MEI4: variants seen among roughly 807,000 people sequenced by gnomAD.
MEI4 encodes the protein meiosis-specific protein MEI4.
Under a neutral mutation model 31.4 loss-of-function variants are expected in MEI4, and 27 were observed. The ratio of observed to expected loss-of-function variants is 0.86; its 90% CI spans 0.63 to 1.19. The LOEUF (loss-of-function observed/expected upper bound fraction) is 1.19. Ranked by LOEUF, MEI4 falls within the 50% of genes most tolerant of loss-of-function variation. The pLI is 0.00. For missense variants in MEI4, 329 were observed against 398.9 expected (o/e 0.82, Z 1.49); for synonymous variants, 122 against 145.4 (o/e 0.84, Z 1.16).
intron 3 of MEI4, among the ~76,000 whole-genome samples, chr6:77,814,076 G>A (rs1769635056): frequency 6.6e-6 from 1 of 152,034 alleles, no homozygotes; most frequent in African/African-American, 2.4e-5. Context: ...AAAGTTAGAT[G>A]TACTTAGCTC....
At chr6:77,726,908 T>A (rs919470988) in intron 2 of MEI4, among the ~76,000 whole-genome samples, 1 of 151,702 alleles carries the variant, frequency 6.6e-6, no homozygotes, top group African/African-American at 2.4e-5. Flanking sequence ...ATTTTGAAAT[T>A]GGTGCTTTAA....
chr6:77,889,211 A>C (rs1371992790), intron 4 of MEI4, among the ~76,000 whole-genome samples: 1 of 152,198 alleles, frequency 6.6e-6, no homozygotes, highest in Non-Finnish European at 1.5e-5. Flanking sequence ...ACTGGGTAAT[A>C]GGCAGAGGTT....
Position 77,907,993 on chromosome 6 carries a change from G to T in MEI4, c.901-15096G>T, listed in dbSNP as rs559784571. Among the ~76,000 whole-genome samples, 289 of 144,326 alleles carry T rather than the reference G, an allele frequency of 2.0e-3. 1 individual carries two copies. The highest frequency in any genetic ancestry group is 3.6e-3 in the Middle Eastern group (1 of 280). The allele number at this position is 144,326 out of a possible 152,430, so 94.7% of individuals were successfully genotyped here. A position where few individuals can be genotyped will look rare whatever the true frequency, so the allele number is the denominator to read the frequency against. On this transcript the variant is annotated intron_variant, in intron 4 of 4. Coordinates refer to ENST00000684080, the MANE Select transcript of MEI4 (RefSeq NM_001322247.2). ...TATCCTTCACGCACTTGTTGATGGG[G>T]TTTTTTTTTTTTTCTTGTAAATTTG...
At position 77,800,103 on chromosome 6, in the gene MEI4, G is replaced by A. The variant is rs1020312187; in HGVS notation, c.769-28828G>A. On this transcript the variant is annotated intron_variant, in intron 3 of 4. Transcript: ENST00000684080. Reference sequence around the variant, plus strand: ...CCTTGGGCAGTATGGCCATTTTCACGATATTGATTCTTCCTACCCATGAGC... The same window carrying A: ...CCTTGGGCAGTATGGCCATTTTCACAATATTGATTCTTCCTACCCATGAGC... Among the ~76,000 whole-genome samples the A allele has an allele frequency of 2.0e-4, 31 of 152,006 alleles. 1 individual carries two copies. Among genetic ancestry groups the A allele is most frequent in the African/African-American group, 4.8e-4 (20 of 41,372 alleles).
intron 4 of MEI4, among the ~76,000 whole-genome samples, chr6:77,896,212 T>A (rs1184125522): frequency 1.3e-5 from 2 of 152,098 alleles, no homozygotes; most frequent in Non-Finnish European, 2.9e-5. Flanking sequence ...ATGCTCTTTG[T>A]GAAAAGATCA....
chr6:77,841,333 A>ATTTTTTTTTTTTTTT (rs1239589008), intron 4 of MEI4, among the ~76,000 whole-genome samples: 1 of 27,734 alleles, frequency 3.6e-5, no homozygotes, highest in African/African-American at 3.3e-4. Flanking sequence ...ATATATATAT[A>ATTTTTTTTTTTTTTT]TTTTTTTTTT....
At position 77,690,714 on chromosome 6, in the gene MEI4, C is replaced by G; in HGVS notation, c.43C>G (p.Leu15Val). 8.1e-7 allele frequency: 1 copy of G among 1,231,446 alleles called. No homozygotes were observed. The highest frequency in any genetic ancestry group is 1.0e-6 in the Non-Finnish European group (1 of 987,394). 76.3% of individuals were successfully genotyped at this position (1,231,446 alleles called of 1,614,324 possible). ...GTATTTGAGAACTTCAAAGCTGGCT[C>G]TGGCCTTGGCAATTATCCGCTCAAA... ...KWYLRTSKLA[L>V]ALAIIRSKPA... is the part of the protein sequence containing the mutation. The change falls in exon 2 of 5, where the codon CTG becomes GTG. Residue 15 changes from leucine to valine, a missense_variant. By Grantham distance (32) the Leu-to-Val change is conservative (BLOSUM62 1). Transcript: ENST00000684080.
At position 77,923,171 on chromosome 6, in the gene MEI4, C is replaced by A. The variant is rs1581986584; in HGVS notation, c.983C>A (p.Thr328Asn). The A allele has an allele frequency of 4.1e-6, 5 of 1,230,530 alleles. No individual in the cohort carries two copies. In the East Asian group the frequency reaches 9.5e-5, roughly 23 times the overall value. 76.2% of individuals were successfully genotyped at this position (1,230,530 alleles called of 1,614,324 possible). A position where few individuals can be genotyped will look rare whatever the true frequency, so the allele number is the denominator to read the frequency against. The change falls in exon 5 of 5, where the codon ACC becomes AAC. Residue 328 changes from threonine to asparagine, a missense_variant. Coordinates refer to ENST00000684080, the MANE Select transcript of MEI4 (RefSeq NM_001322247.2). ...CTGGAGCAGCTTCTTCAAAAGGAAA[C>A]CGAAGAAGGCAACACTTCAAGTATA... ...WVLEQLLQKE[T>N]EEGNTSSIGH...
At chr6:77,902,670 C>T (rs1435440464) in intron 4 of MEI4, among the ~76,000 whole-genome samples, 1 of 152,076 alleles carries the variant, frequency 6.6e-6, no homozygotes, top group Non-Finnish European at 1.5e-5. Context: ...AAAGTCACCC[C>T]TCTGCTCACT....
At position 77,789,370 on chromosome 6, in the gene MEI4, A is replaced by G. The variant is rs558487316; in HGVS notation, c.768+27705A>G. On this transcript the variant is annotated intron_variant, in intron 3 of 4. Transcript: ENST00000684080. ...GCAAGGACTTCATGTCTATAACACCAAAAGCAATGACAACAAAAGCCAAAA... is the reference window on the plus strand; with the variant it reads ...GCAAGGACTTCATGTCTATAACACCGAAAGCAATGACAACAAAAGCCAAAA... Among the ~76,000 whole-genome samples the G allele has an allele frequency of 9.2e-5, 14 of 152,332 alleles. No homozygotes were observed. In the South Asian group the frequency reaches 2.9e-3, roughly 32 times the overall value.
At chr6:77,809,745 G>T (rs1769529041) in intron 3 of MEI4, among the ~76,000 whole-genome samples, 1 of 151,976 alleles carries the variant, frequency 6.6e-6, no homozygotes, top group Admixed American at 6.6e-5. Context: ...TTAATATTAG[G>T]GAGGGTTTAA....
At chr6:77,826,045 G>T (rs555459287) in intron 3 of MEI4, among the ~76,000 whole-genome samples, 2 of 152,210 alleles carry the variant, frequency 1.3e-5, no homozygotes, top group African/African-American at 4.8e-5. Context: ...TATAAGAGGA[G>T]GTCTACCAGT....
intron 4 of MEI4, among the ~76,000 whole-genome samples, chr6:77,854,788 T>C (rs963364410): frequency 5.3e-5 from 8 of 152,080 alleles, no homozygotes; most frequent in African/African-American, 1.9e-4. Context: ...ACACTTGACT[T>C]ATATTATCTC....
chr6:77,761,190 C>G lies in MEI4; in HGVS notation c.293C>G (p.Ser98Trp), dbSNP rs148492050. 7 of 1,232,022 alleles carry G rather than the reference C, an allele frequency of 5.7e-6. No individual in the cohort carries two copies. Among genetic ancestry groups the G allele is most frequent in the Non-Finnish European group, 7.1e-6 (7 of 987,960 alleles). The allele number at this position is 1,232,022 out of a possible 1,614,324, so 76.3% of individuals were successfully genotyped here. A position where few individuals can be genotyped will look rare whatever the true frequency, so the allele number is the denominator to read the frequency against. The change falls in exon 3 of 5, where the codon TCG (serine) becomes TGG (tryptophan). Residue 98 changes from serine to tryptophan, a missense_variant. Coordinates refer to ENST00000684080, the MANE Select transcript of MEI4 (RefSeq NM_001322247.2). ...AAGAGTTCTGAAAGTACATTAACTTCGATGGAAGATTCTGGATGTGATTTG... is the reference window on the plus strand; with the variant it reads ...AAGAGTTCTGAAAGTACATTAACTTGGATGGAAGATTCTGGATGTGATTTG... ...EPKSSESTLT[S>W]MEDSGCDLSN...
At chr6:77,690,244 G>C (rs1769133998) in intron 1 of MEI4, among the ~76,000 whole-genome samples, 1 of 151,890 alleles carries the variant, frequency 6.6e-6, no homozygotes, top group Non-Finnish European at 1.5e-5. Context: ...TAATGGTTCT[G>C]GTTATTCAGT....
chr6:77,813,554 A>G (rs1266627284), intron 3 of MEI4, among the ~76,000 whole-genome samples: 1 of 151,512 alleles, frequency 6.6e-6, no homozygotes, highest in Non-Finnish European at 1.5e-5. Flanking sequence ...ACATGTGAGA[A>G]CACTACTCTG....
At chr6:77,897,856 A>T (rs1411636239) in intron 4 of MEI4, among the ~76,000 whole-genome samples, 2 of 152,044 alleles carry the variant, frequency 1.3e-5, no homozygotes, top group East Asian at 3.9e-4. Context: ...ATCTCTAGGA[A>T]ATTTCCCCTA....
At chr6:77,690,228 A>G (rs991734011) in intron 1 of MEI4, among the ~76,000 whole-genome samples, 2 of 152,022 alleles carry the variant, frequency 1.3e-5, no homozygotes, top group Non-Finnish European at 2.9e-5. Flanking sequence ...TTATAAATAG[A>G]TAATTTAATG....
chr6:77,732,669 A>T (rs1030481722), intron 2 of MEI4, among the ~76,000 whole-genome samples: 1 of 152,026 alleles, frequency 6.6e-6, no homozygotes, highest in Non-Finnish European at 1.5e-5. Context: ...ACTATGTTGA[A>T]TAGGAGTGGT....
Sources: gnomAD v4.1 joint callset for allele counts (sites outside exome capture counted in the v4.1 genomes callset) on GRCh38, gnomAD v4.1.1 for gene constraint, MANE v1.5 for transcripts, NCBI Gene and HGNC (gene_info 2026-07-23, HGNC 2026-07-21) for gene names.